Variants in EXOC4 observed in about 807,000 individuals in gnomAD.
EXOC4 encodes SEC8-like 1.
EXOC4 carries 71 observed loss-of-function variants against 107.2 expected under a neutral mutation model. The observed-to-expected ratio is 0.66, with a 90% CI of 0.55 to 0.81. EXOC4 has a LOEUF of 0.81. Ranked by LOEUF, EXOC4 falls within the 30% of genes least tolerant of loss-of-function variation. EXOC4 has a pLI of 0.00. For missense variants in EXOC4, 1,108 were observed against 1,189.6 expected (o/e 0.93, Z 1.01); for synonymous variants, 456 against 441.2 (o/e 1.03, Z -0.42).
intron 10 of EXOC4, among the ~76,000 whole-genome samples, chr7:133,710,494 A>G (rs1290183654): frequency 6.6e-6 from 1 of 151,652 alleles, no homozygotes; most frequent in Non-Finnish European, 1.5e-5. Context: ...CCCCGTCTCT[A>G]CTAAAAATAC....
At chr7:133,619,127 A>T (rs192361953) in intron 9 of EXOC4, among the ~76,000 whole-genome samples, 203 of 152,310 alleles carry the variant, frequency 1.3e-3, no homozygotes, top group African/African-American at 4.7e-3. Flanking sequence ...GATGCTTCTA[A>T]TGAGTCATGA....
chr7:133,598,009 ACT>A (rs1276079265), intron 9 of EXOC4, among the ~76,000 whole-genome samples: 2 of 151,414 alleles, frequency 1.3e-5, no homozygotes, highest in South Asian at 2.1e-4. Flanking sequence ...TAAGAGCAAC[ACT>A]CTGTCTCAAA....
intron 5 of EXOC4, among the ~76,000 whole-genome samples, chr7:133,341,435 T>C (rs1055517612): frequency 3.9e-5 from 6 of 152,214 alleles, no homozygotes; most frequent in Admixed American, 3.3e-4. Flanking sequence ...TTGTTGAGAC[T>C]GGTTTTGTGG....
intron 17 of EXOC4, among the ~76,000 whole-genome samples, chr7:134,043,887 C>T (rs1313530669): frequency 6.6e-6 from 1 of 152,108 alleles, no homozygotes. Flanking sequence ...TCATCTTTTC[C>T]CTCATTCCCC....
At chr7:133,941,766 G>A (rs938748851) in intron 14 of EXOC4, among the ~76,000 whole-genome samples, 1 of 150,526 alleles carries the variant, frequency 6.6e-6, no homozygotes, top group South Asian at 2.1e-4. Flanking sequence ...GACTTCAAGA[G>A]TGGCTGGATC....
chr7:133,519,529 T>A (rs1458571929), intron 9 of EXOC4, among the ~76,000 whole-genome samples: 1 of 152,036 alleles, frequency 6.6e-6, no homozygotes, highest in Non-Finnish European at 1.5e-5. Flanking sequence ...CACTACAGCC[T>A]CAAACATGTA....
At chr7:133,549,193 G>A (rs556803526) in intron 9 of EXOC4, among the ~76,000 whole-genome samples, 1 of 152,134 alleles carries the variant, frequency 6.6e-6, no homozygotes, top group East Asian at 1.9e-4. Flanking sequence ...GGGTTTCACT[G>A]TGTTGTTAGG....
Position 133,368,614 on chromosome 7 carries a change from A to T in EXOC4, c.1008-6214A>T, listed in dbSNP as rs376782612. On this transcript the variant is annotated intron_variant, in intron 6 of 17. Transcript: ENST00000253861. Reference sequence around the variant, plus strand: ...AGGAACGTGAAATTTGGAGAAGTCTATGATGTCTTGAAAGTCCCATGTCTA... The same window carrying T: ...AGGAACGTGAAATTTGGAGAAGTCTTTGATGTCTTGAAAGTCCCATGTCTA... Among the ~76,000 whole-genome samples, 14 of 152,332 alleles carry T rather than the reference A, an allele frequency of 9.2e-5. 1 individual carries two copies. Among genetic ancestry groups the T allele is most frequent in the African/African-American group, 3.4e-4 (14 of 41,580 alleles).
intron 10 of EXOC4, among the ~76,000 whole-genome samples, chr7:133,665,823 A>G (rs1394191810): frequency 6.6e-6 from 1 of 152,074 alleles, no homozygotes; most frequent in Non-Finnish European, 1.5e-5. Context: ...TCCAGCCAGA[A>G]CCTTCATTTT....
chr7:133,456,760 C>T (rs1036612429), intron 7 of EXOC4, among the ~76,000 whole-genome samples: 4 of 152,076 alleles, frequency 2.6e-5, no homozygotes, highest in African/African-American at 7.2e-5. Flanking sequence ...TTGAGTCACT[C>T]CACAGATCAC....
At chr7:133,467,324 C>T (rs1798754576) in intron 7 of EXOC4, among the ~76,000 whole-genome samples, 1 of 151,210 alleles carries the variant, frequency 6.6e-6, no homozygotes, top group Non-Finnish European at 1.5e-5. Flanking sequence ...CTTATTGCCA[C>T]TGCTTTAGTT....
At position 133,959,444 on chromosome 7, in the gene EXOC4, T is replaced by TG. The variant is rs544427752; in HGVS notation, c.2206+21377dup. 4.9e-3 allele frequency among the ~76,000 whole-genome samples: 733 copies of TG among 148,900 alleles called. 4 individuals carry two copies. The highest frequency in any genetic ancestry group is 7.4e-3 in the Non-Finnish European group (497 of 67,270). On this transcript the variant is annotated intron_variant, in intron 14 of 17. Transcript: ENST00000253861. Reference sequence around the variant, plus strand: ...AGAACTGAAGAAATATCCATGAAGGTGGAAAAAAAAGACAAAAAAGAAAAA... The same window carrying TG: ...AGAACTGAAGAAATATCCATGAAGGTGGGAAAAAAAAGACAAAAAAGAAAAA...
At chr7:133,932,066 G>A (rs984081139) in intron 13 of EXOC4, among the ~76,000 whole-genome samples, 2 of 152,178 alleles carry the variant, frequency 1.3e-5, no homozygotes, top group Admixed American at 6.5e-5. Flanking sequence ...TGCGTTCCTG[G>A]ATTGAACATG....
the EXOC4 span, among the ~76,000 whole-genome samples, chr7:134,083,520 A>G: frequency 3.9e-5 from 6 of 152,170 alleles, no homozygotes; most frequent in African/African-American, 1.4e-4. Context: ...AACTAGAGTC[A>G]CCTGATGGTA....
At chr7:133,940,485 A>C (rs1172324277) in intron 14 of EXOC4, among the ~76,000 whole-genome samples, 1 of 152,132 alleles carries the variant, frequency 6.6e-6, no homozygotes, top group African/African-American at 2.4e-5. Flanking sequence ...TGATTATTCC[A>C]CCCAGTGAGT....
At chr7:133,997,974 T>C (rs1296344058) in intron 15 of EXOC4, among the ~76,000 whole-genome samples, 1 of 152,164 alleles carries the variant, frequency 6.6e-6, no homozygotes, top group African/African-American at 2.4e-5. Flanking sequence ...TTATAGAGAT[T>C]TTATAAATGA....
chr7:133,334,769 A>G (rs2633393), intron 5 of EXOC4, among the ~76,000 whole-genome samples: 150,633 of 151,854 alleles, frequency 0.99, 74,716 homozygotes, highest in East Asian at 1. Context: ...TCCCCTCTAT[A>G]TGTCCATGTG....
chr7:133,549,587 A>G (rs1332841175), intron 9 of EXOC4, among the ~76,000 whole-genome samples: 2 of 152,150 alleles, frequency 1.3e-5, no homozygotes, highest in African/African-American at 4.8e-5. Flanking sequence ...AAAGTTTGAA[A>G]TGTTGCAAGA....
chr7:133,721,223 G>A (rs1025494068), intron 10 of EXOC4, among the ~76,000 whole-genome samples: 4 of 152,112 alleles, frequency 2.6e-5, no homozygotes, highest in South Asian at 2.1e-4. Context: ...ATCAGCAATG[G>A]CATTACCTTG....
Sources: allele counts gnomAD v4.1 joint callset (sites outside exome capture counted in the v4.1 genomes callset), GRCh38; gene constraint gnomAD v4.1.1; transcripts MANE v1.5; gene names NCBI Gene and HGNC (gene_info 2026-07-23, HGNC 2026-07-21).